IKBKB: variants seen among roughly 807,000 people sequenced by gnomAD.
The protein encoded by IKBKB is inhibitor of nuclear factor kappa B kinase subunit beta.
IKBKB carries 42 observed loss-of-function variants against 113.6 expected under a neutral mutation model. The observed-to-expected ratio is 0.37, with a 90% confidence interval of 0.29 to 0.48. IKBKB has a LOEUF of 0.48. Among genes scored for constraint, IKBKB ranks in the 20% least tolerant of loss-of-function variants. The pLI, the probability that IKBKB is intolerant of heterozygous loss-of-function variation, is 0.99. For missense variants in IKBKB, 673 were observed against 939.7 expected, an observed-to-expected ratio of 0.72 and a Z score of 3.71; for synonymous variants, 296 against 361.3, an observed-to-expected ratio of 0.82 and a Z score of 2.05.
At chr8:42,319,733 C>A in intron 15 of IKBKB, 87 bp downstream of exon 15, 2 of 1,109,836 alleles carry the variant, frequency 1.8e-6, no homozygotes, top group Non-Finnish European at 2.6e-6. Context: ...AACACTGGGT[C>A]GATCTCTGTC....
rs1273897104 is a variant in IKBKB, at chr8:42,327,387, G to A, written c.2114+1290G>A. The stretch of plus-strand genomic sequence containing the variant: ...CTTGCTCTGTTGCCCAGGCTGGAGT[G>A]CAGTGGCGCGATCTTGGCTCACTGC... On this transcript the variant is annotated intron_variant, in intron 20 of 21. Coordinates refer to ENST00000520810, the MANE Select transcript of IKBKB (RefSeq NM_001556.3). Among the ~76,000 whole-genome samples, 4 of 142,044 alleles carry A rather than the reference G, an allele frequency of 2.8e-5. No homozygotes were observed. The Admixed American group carries it at 3.1e-4, about 11-fold the overall frequency. 93.2% of individuals were successfully genotyped at this position (142,044 alleles called of 152,430 possible). A position where few individuals can be genotyped will look rare whatever the true frequency, so the allele number is the denominator to read the frequency against.
intron 8 of IKBKB, among the ~76,000 whole-genome samples, chr8:42,312,990 C>T (rs1336011949): frequency 6.6e-6 from 1 of 152,210 alleles, no homozygotes; most frequent in Non-Finnish European, 1.5e-5. Flanking sequence ...ATCATTTGAT[C>T]ATCATTTCCT....
At chr8:42,300,959 A>G (rs1017400463) in intron 5 of IKBKB, among the ~76,000 whole-genome samples, 2 of 152,052 alleles carry the variant, frequency 1.3e-5, no homozygotes, top group African/African-American at 2.4e-5. Context: ...GGCTCAAGTG[A>G]TCCTCTCACC....
rs779914906 is a variant in IKBKB, at chr8:42,316,204, C to T, written c.801-6C>T. 5 of 1,613,888 alleles carry T rather than the reference C, an allele frequency of 3.1e-6. No individual in the cohort carries two copies. The highest frequency in any genetic ancestry group is 4.2e-6 in the Non-Finnish European group (5 of 1,179,896). On this transcript the variant is annotated splice_polypyrimidine_tract_variant and splice_region_variant and intron_variant, in intron 9 of 21. Transcript: ENST00000520810. The surrounding 1 kb of genome is among the most constrained non-coding windows in gnomAD (Gnocchi z 4.5). ...GTCTCCTCACACACTATGCTCCTCT[C>T]CACAGTGTCCTGGCTGAGCGACTGG... is the stretch of plus-strand genomic sequence containing the variant.
At chr8:42,314,280 A>C in intron 8 of IKBKB, 42 bp from the exon 9 acceptor site, 1 of 1,356,018 alleles carries the variant, frequency 7.4e-7, no homozygotes, top group South Asian at 1.2e-5. Flanking sequence ...TGTCCCCGTC[A>C]TAGCAACGTG....
chr8:42,293,221 G>T (rs1813020420), intron 4 of IKBKB, among the ~76,000 whole-genome samples: 1 of 152,194 alleles, frequency 6.6e-6, no homozygotes, highest in Non-Finnish European at 1.5e-5. Flanking sequence ...CTGTGAGGAT[G>T]TGAGAGCCCT....
chr8:42,326,231 G>A (rs999867323), intron 20 of IKBKB, 134 bp downstream of exon 20: 1 of 1,068,830 alleles, frequency 9.4e-7, no homozygotes, highest in Admixed American at 2.6e-5. Flanking sequence ...CATCTGCTGG[G>A]TCCTGTGGGG....
intron 13 of IKBKB, 128 bp downstream of exon 13, chr8:42,318,803 T>C (rs1263261770): frequency 1.5e-4 from 138 of 922,770 alleles, no homozygotes; most frequent in South Asian, 1.8e-5. Flanking sequence ...AGACACTGGT[T>C]TGGATGGACG....
At chr8:42,299,482 G>A (rs531600629) in intron 5 of IKBKB, among the ~76,000 whole-genome samples, 17 of 151,992 alleles carry the variant, frequency 1.1e-4, no homozygotes, top group African/African-American at 4.1e-4. Flanking sequence ...ACCTCTGTGT[G>A]TGACCCTTGG....
chr8:42,306,626 C>G (rs771881629), intron 7 of IKBKB, among the ~76,000 whole-genome samples, 194 bp downstream of exon 7: 1 of 152,208 alleles, frequency 6.6e-6, no homozygotes, highest in Non-Finnish European at 1.5e-5. Flanking sequence ...GGGATGTGGT[C>G]GTCTTCTCTG....
At position 42,332,237 on chromosome 8, in the gene IKBKB, C is replaced by T. The variant is rs1281048592; in HGVS notation, c.*1258C>T. ...TCTGTGGTCAAGTAAGTTTAGGGAG[C>T]TATTCATGTTTCACTTGCTTTGTGG... is the stretch of plus-strand genomic sequence containing the variant. On this transcript the variant is annotated 3_prime_UTR_variant, in exon 22 of 22. Transcript: ENST00000520810. The T allele has an allele frequency of 6.6e-6, 1 of 152,190 alleles. No homozygotes were observed. Among genetic ancestry groups the T allele is most frequent in the East Asian group, 1.9e-4 (1 of 5,196 alleles). 9.4% of individuals were successfully genotyped at this position (152,190 alleles called of 1,614,324 possible).
intron 5 of IKBKB, among the ~76,000 whole-genome samples, chr8:42,301,694 A>AT (rs1457703822): frequency 7.2e-5 from 11 of 152,382 alleles, no homozygotes; most frequent in African/African-American, 2.6e-4. Flanking sequence ...AAGCATAAAA[A>AT]TAGACAGATA....
chr8:42,325,222 C>T (rs1299686048), intron 19 of IKBKB: 1 of 985,348 alleles, frequency 1.0e-6, no homozygotes, highest in African/African-American at 1.8e-5. Flanking sequence ...CTGCTTGACC[C>T]TTCGGGCTGG....
In IKBKB at chr8:42,306,504, C is replaced by T. The variant is rs999442513; in HGVS notation, c.567+72C>T. 8 of 1,012,548 alleles carry T rather than the reference C, an allele frequency of 7.9e-6. No homozygotes were observed. The African/African-American group carries it at 1.3e-4, about 16-fold the overall frequency. 62.7% of individuals were successfully genotyped at this position (1,012,548 alleles called of 1,614,324 possible). On this transcript the variant is annotated intron_variant, in intron 7 of 21. Coordinates refer to ENST00000520810, the MANE Select transcript of IKBKB (RefSeq NM_001556.3). ...CTGCATTTGTGGGGCTCCTGTCCTGCCTTGCTCCCAGCACCTGAGTCCCAC... is the reference window on the plus strand; with the variant it reads ...CTGCATTTGTGGGGCTCCTGTCCTGTCTTGCTCCCAGCACCTGAGTCCCAC...
intron 15 of IKBKB, chr8:42,320,379 TGAAGA>T (rs1388433961): frequency 1.8e-5 from 4 of 226,458 alleles, no homozygotes; most frequent in Non-Finnish European, 3.5e-5. Context: ...GATAGACAGA[TGAAGA>T]GAAGAGAAAG....
chr8:42,297,596 G>A (rs1003724319), intron 5 of IKBKB, among the ~76,000 whole-genome samples: 5 of 152,192 alleles, frequency 3.3e-5, no homozygotes, highest in African/African-American at 1.2e-4. Context: ...CAGAGTGCCT[G>A]TGAGAAATGA....
At chr8:42,292,790 C>T (rs377647645) in intron 4 of IKBKB, among the ~76,000 whole-genome samples, 20 of 152,274 alleles carry the variant, frequency 1.3e-4, no homozygotes, top group Non-Finnish European at 2.4e-4. Context: ...ATTGACCTGG[C>T]GCCGCATTCC....
At chr8:42,285,384 A>AAAAT (rs1203787681) in intron 2 of IKBKB, among the ~76,000 whole-genome samples, 1 of 103,366 alleles carries the variant, frequency 9.7e-6, no homozygotes, top group South Asian at 3.3e-4. Context: ...CGTCTCTACA[A>AAAAT]AAATAAAATA....
chr8:42,278,342 G>A (rs1809619317), intron 2 of IKBKB, among the ~76,000 whole-genome samples: 1 of 152,206 alleles, frequency 6.6e-6, no homozygotes. Context: ...AGTTTCAGCC[G>A]AGGAGGTTTT....
Sources: allele counts gnomAD v4.1 joint callset (sites outside exome capture counted in the v4.1 genomes callset), GRCh38; gene constraint gnomAD v4.1.1; non-coding constraint Gnocchi (gnomAD v3.1); transcripts MANE v1.5; gene names NCBI Gene and HGNC (gene_info 2026-07-23, HGNC 2026-07-21).